The following VTI1A variants were observed in gnomAD, a reference collection of about 807,000 sequenced individuals.
The protein encoded by VTI1A is vesicle transport through interaction with t-SNAREs homolog 1A.
In VTI1A, 22 loss-of-function variants were observed where a neutral mutation model predicts 34.9. The ratio of observed to expected loss-of-function variants is 0.63; its 90% CI spans 0.45 to 0.90. The LOEUF is 0.90. Among genes scored for constraint, VTI1A ranks in the 40% least tolerant of loss-of-function variants. The probability of loss-of-function intolerance (pLI) is 0.00; values close to 1 mark genes in which losing one functional copy is unlikely to be tolerated. For missense variants in VTI1A, 268 were observed against 275.6 expected, an observed-to-expected ratio of 0.97 and a Z score of 0.20; for synonymous variants, 87 against 97.3, an observed-to-expected ratio of 0.89 and a Z score of 0.62.
chr10:112,524,922 A>G (rs1023944755), intron 3 of VTI1A, among the ~76,000 whole-genome samples: 2 of 152,214 alleles, frequency 1.3e-5, no homozygotes, highest in Non-Finnish European at 2.9e-5. Flanking sequence ...AAACTACTGT[A>G]GTAGGAACTC....
intron 7 of VTI1A, among the ~76,000 whole-genome samples, chr10:112,789,563 T>C (rs1852395407): frequency 6.6e-6 from 1 of 152,210 alleles, no homozygotes; most frequent in Non-Finnish European, 1.5e-5. Context: ...TATGTTGGTA[T>C]GCTTGATATT....
chr10:112,453,991 A>C (rs1379520250), intron 1 of VTI1A, among the ~76,000 whole-genome samples: 1 of 152,240 alleles, frequency 6.6e-6, no homozygotes, highest in Non-Finnish European at 1.5e-5. Flanking sequence ...AGTTCATACT[A>C]GTATCTCCAG....
At chr10:112,777,061 T>C (rs1407501910) in intron 7 of VTI1A, among the ~76,000 whole-genome samples, 2 of 152,236 alleles carry the variant, frequency 1.3e-5, no homozygotes, top group Admixed American at 1.3e-4. Context: ...AAGCTTTTTT[T>C]TCCTAATTGG....
chr10:112,502,932 T>C (rs1439266660), intron 3 of VTI1A, among the ~76,000 whole-genome samples: 4 of 152,208 alleles, frequency 2.6e-5, no homozygotes, highest in Non-Finnish European at 5.9e-5. Flanking sequence ...TGTTTTTACA[T>C]AGTGATTCTT....
chr10:112,741,492 G>A (rs2133977060), intron 7 of VTI1A, among the ~76,000 whole-genome samples: 1 of 152,206 alleles, frequency 6.6e-6, no homozygotes, highest in South Asian at 2.1e-4. Context: ...CTTTTGCAGT[G>A]ATGAAAGTCT....
chr10:112,759,225 G>A (rs1851377763), intron 7 of VTI1A, among the ~76,000 whole-genome samples: 1 of 152,172 alleles, frequency 6.6e-6, no homozygotes, highest in Admixed American at 6.5e-5. Flanking sequence ...GAAACTCCAG[G>A]ACCCTTCACC....
chr10:112,467,876 G>C (rs2134061616), intron 3 of VTI1A, among the ~76,000 whole-genome samples: 1 of 152,276 alleles, frequency 6.6e-6, no homozygotes, highest in South Asian at 2.1e-4. Flanking sequence ...ACTGTCCGAG[G>C]TGCTAGAATG....
At chr10:112,489,706 A>G (rs1435968769) in intron 3 of VTI1A, among the ~76,000 whole-genome samples, 1 of 152,182 alleles carries the variant, frequency 6.6e-6, no homozygotes, top group Non-Finnish European at 1.5e-5. Context: ...ATTGCAAAAG[A>G]TAGATAATTA....
intron 7 of VTI1A, among the ~76,000 whole-genome samples, chr10:112,786,728 G>A (rs1343715006): frequency 6.6e-6 from 1 of 152,156 alleles, no homozygotes; most frequent in African/African-American, 2.4e-5. Context: ...TCAATGTCAT[G>A]TGTCACATTA....
intron 3 of VTI1A, among the ~76,000 whole-genome samples, chr10:112,489,912 A>G (rs1848763246): frequency 6.6e-6 from 1 of 152,204 alleles, no homozygotes; most frequent in Non-Finnish European, 1.5e-5. Context: ...AATAAAAAAT[A>G]TTGGAAGAGT....
chr10:112,670,630 G>A (rs991504202), intron 7 of VTI1A, among the ~76,000 whole-genome samples: 2 of 152,296 alleles, frequency 1.3e-5, no homozygotes, highest in South Asian at 2.1e-4. Context: ...GTCATTTAGA[G>A]AGGGTGAAGC....
rs1181813438 is a variant in VTI1A at position 112,816,400 on chromosome 10, G to A, written c.*1017G>A. ...ACCAGAGATAAACTTCACGGAAAAC[G>A]TTCCCTAACCTCCTTTAAAAGAATA... On this transcript the variant is annotated 3_prime_UTR_variant, in exon 8 of 8. Transcript: ENST00000393077. 8.9e-6 allele frequency: 2 copies of A among 223,856 alleles called. No individual in the cohort carries two copies. Among genetic ancestry groups the A allele is most frequent in the Admixed American group, 5.7e-5 (1 of 17,452 alleles). The allele number at this position is 223,856 out of a possible 1,614,324, so 13.9% of individuals were successfully genotyped here.
chr10:112,450,486 A>G (rs1847197817), intron 1 of VTI1A: 1 of 152,196 alleles, frequency 6.6e-6, no homozygotes, highest in Non-Finnish European at 1.5e-5. Context: ...TAAGAAGGAT[A>G]AAAATTGGAG....
At position 112,754,141 on chromosome 10, in the gene VTI1A, A is replaced by G. The variant is rs149095992; in HGVS notation, c.561-61149A>G. On this transcript the variant is annotated intron_variant, in intron 7 of 7. Transcript: ENST00000393077. Reference sequence around the variant, plus strand: ...AATGTTAAGCCCAAAGCAAGCACGTAGAGGTTCCTTAGAAGGTACACCCAC... The same window carrying G: ...AATGTTAAGCCCAAAGCAAGCACGTGGAGGTTCCTTAGAAGGTACACCCAC... Among the ~76,000 whole-genome samples the G allele has an allele frequency of 2.2e-4, 34 of 152,356 alleles. No individual in the cohort carries two copies. In the East Asian group the frequency reaches 5.6e-3, roughly 25 times the overall value.
At chr10:112,690,368 AG>A (rs1848572634) in intron 7 of VTI1A, among the ~76,000 whole-genome samples, 2 of 152,242 alleles carry the variant, frequency 1.3e-5, no homozygotes, top group Admixed American at 6.5e-5. Flanking sequence ...ACCATTTTGC[AG>A]TCCCATAAAC....
intron 5 of VTI1A, among the ~76,000 whole-genome samples, chr10:112,594,715 C>T (rs1239219965): frequency 3.3e-5 from 5 of 152,096 alleles, no homozygotes; most frequent in South Asian, 2.1e-4. Flanking sequence ...GAATCAACAT[C>T]GTGAAAATGG....
At chr10:112,546,682 AAAAAAAGAGGC>A (rs1851143063) in intron 5 of VTI1A, among the ~76,000 whole-genome samples, 3 of 149,450 alleles carry the variant, frequency 2.0e-5, no homozygotes, top group Non-Finnish European at 4.4e-5. Flanking sequence ...CTTTTTTTTT[AAAAAAAGAGGC>A]ATATTCATCA....
chr10:112,818,989 AACAATAGCAGCAGGT>A (rs1335199093), downstream of VTI1A, among the ~76,000 whole-genome samples: 1 of 152,154 alleles, frequency 6.6e-6, no homozygotes, highest in Non-Finnish European at 1.5e-5. Flanking sequence ...TCGAAGGGGC[AACAATAGCAGCAGGT>A]ACAGGCACAC....
chr10:112,830,849 A>ATTTT, the VTI1A span, among the ~76,000 whole-genome samples: 42 of 33,472 alleles, frequency 1.3e-3, no homozygotes, highest in Admixed American at 1.4e-3. Flanking sequence ...ATATATATAT[A>ATTTT]TTTTTTTTTT....
Sources: gnomAD v4.1 joint callset for allele counts (sites outside exome capture counted in the v4.1 genomes callset) on GRCh38, gnomAD v4.1.1 for gene constraint, MANE v1.5 for transcripts, NCBI Gene and HGNC (gene_info 2026-07-23, HGNC 2026-07-21) for gene names.